Variants in CHN2 observed in about 807,000 individuals in gnomAD.
CHN2 encodes the protein chimerin 2, also known as beta-chimaerin.
Under a neutral mutation model 56.3 loss-of-function variants are expected in CHN2, and 35 were observed. The observed-to-expected ratio is 0.62, with a 90% CI of 0.47 to 0.82. The LOEUF is 0.82. Ranked by LOEUF, CHN2 falls within the 40% of genes least tolerant of loss-of-function variation. The pLI, the probability that CHN2 is intolerant of heterozygous loss-of-function variation, is 0.00. For synonymous variants in CHN2, 210 were observed against 212.8 expected, an observed-to-expected ratio of 0.99 and a Z score of 0.12; for missense variants, 491 against 580.5, an observed-to-expected ratio of 0.85 and a Z score of 1.58.
At chr7:29,153,259 GAA>G (rs1793858011) in intron 2 of CHN2, among the ~76,000 whole-genome samples, 1 of 152,190 alleles carries the variant, frequency 6.6e-6, no homozygotes, top group Non-Finnish European at 1.5e-5. Context: ...AGCCTCCAAA[GAA>G]AGAGGCAGGC....
intron 1 of CHN2, among the ~76,000 whole-genome samples, chr7:29,280,261 G>GT (rs1195762756): frequency 6.6e-6 from 1 of 152,052 alleles, no homozygotes; most frequent in Non-Finnish European, 1.5e-5. Flanking sequence ...GTGGGCGCCT[G>GT]TAGTCCCAGC....
intron 2 of CHN2, among the ~76,000 whole-genome samples, chr7:29,157,485 T>C (rs1794563732): frequency 6.6e-6 from 1 of 152,232 alleles, no homozygotes; most frequent in Non-Finnish European, 1.5e-5. Context: ...CAGTGGCTTA[T>C]TCACAGTCTC....
chr7:29,293,857 ATTTTTTTTTTT>A (rs70980522), intron 1 of CHN2, among the ~76,000 whole-genome samples: 4 of 78,498 alleles, frequency 5.1e-5, no homozygotes, highest in African/African-American at 1.0e-4. Context: ...GAGGCTGGGA[ATTTTTTTTTTT>A]TTTTTTTTTT....
intron 6 of CHN2, among the ~76,000 whole-genome samples, chr7:29,450,220 A>G (rs1446575556): frequency 1.3e-5 from 2 of 152,228 alleles, no homozygotes; most frequent in African/African-American, 2.4e-5. Flanking sequence ...AAAGGAAGGT[A>G]GCAAGAATGA....
intron 2 of CHN2, among the ~76,000 whole-genome samples, chr7:29,162,043 A>G (rs1458000510): frequency 6.6e-6 from 1 of 152,260 alleles, no homozygotes; most frequent in East Asian, 1.9e-4. Flanking sequence ...GCATGGATGC[A>G]GGGAAACTGG....
chr7:29,181,971 A>G (rs1283755620), intron 2 of CHN2, among the ~76,000 whole-genome samples: 2 of 152,212 alleles, frequency 1.3e-5, no homozygotes, highest in African/African-American at 4.8e-5. Flanking sequence ...GTAAGCATGG[A>G]TTACTTTATA....
chr7:29,511,958 A>G (rs1791492836), intron 12 of CHN2, among the ~76,000 whole-genome samples: 1 of 151,976 alleles, frequency 6.6e-6, no homozygotes, highest in African/African-American at 2.4e-5. Flanking sequence ...ACTGCTGTAG[A>G]CCTCATCCTG....
intron 1 of CHN2, among the ~76,000 whole-genome samples, chr7:29,336,603 A>AT (rs1562527071): frequency 6.6e-6 from 1 of 151,764 alleles, no homozygotes; most frequent in African/African-American, 2.4e-5. Context: ...ACAAAAAAAA[A>AT]TTTTTAATTA....
intron 2 of CHN2, among the ~76,000 whole-genome samples, chr7:29,366,297 T>C (rs537172967): frequency 6.6e-6 from 1 of 152,090 alleles, no homozygotes; most frequent in Non-Finnish European, 1.5e-5. Flanking sequence ...AGAAAGAGAA[T>C]GCGACCTGAA....
intron 6 of CHN2, among the ~76,000 whole-genome samples, chr7:29,471,061 A>G (rs1321572617): frequency 6.6e-6 from 1 of 152,238 alleles, no homozygotes; most frequent in Admixed American, 6.5e-5. Flanking sequence ...TAGTTTTACA[A>G]AAGTTTTAAG....
At chr7:29,493,463 C>T (rs1788883799) in intron 7 of CHN2, among the ~76,000 whole-genome samples, 1 of 152,136 alleles carries the variant, frequency 6.6e-6, no homozygotes. Flanking sequence ...TACCTCTGGT[C>T]TTTGCTCCTC....
intron 1 of CHN2, among the ~76,000 whole-genome samples, chr7:29,349,375 A>G (rs1000159282): frequency 2.6e-5 from 4 of 152,220 alleles, no homozygotes; most frequent in Non-Finnish European, 5.9e-5. Context: ...CTCATTGTAT[A>G]GATTTTAAAA....
At chr7:29,243,370 A>C (rs770827640) in intron 1 of CHN2, among the ~76,000 whole-genome samples, 5 of 152,192 alleles carry the variant, frequency 3.3e-5, no homozygotes, top group Non-Finnish European at 5.9e-5. Flanking sequence ...CACAAGTGTA[A>C]TCCTGAAAAA....
At chr7:29,377,461 G>A (rs1800159622) in intron 3 of CHN2, among the ~76,000 whole-genome samples, 1 of 152,154 alleles carries the variant, frequency 6.6e-6, no homozygotes, top group African/African-American at 2.4e-5. Context: ...TTTCCTTCTG[G>A]TTTTAATGTC....
intron 2 of CHN2, among the ~76,000 whole-genome samples, chr7:29,362,358 T>G (rs1798803927): frequency 6.6e-6 from 1 of 152,190 alleles, no homozygotes; most frequent in Non-Finnish European, 1.5e-5. Context: ...TGGAAGCTTT[T>G]TGGGAAGATG....
chr7:29,513,520 C>T lies in CHN2; in HGVS notation c.*785C>T, dbSNP rs1212779475. The T allele has an allele frequency of 6.6e-6, 1 of 152,230 alleles. No homozygotes were observed. The highest frequency in any genetic ancestry group is 1.5e-5 in the Non-Finnish European group (1 of 68,036). 9.4% of individuals were successfully genotyped at this position (152,230 alleles called of 1,614,324 possible). On this transcript the variant is annotated 3_prime_UTR_variant, in exon 13 of 13. Coordinates refer to ENST00000222792, the MANE Select transcript of CHN2 (RefSeq NM_004067.4). The stretch of plus-strand genomic sequence containing the variant: ...GGAATTGGTCATAGTCTTTTCGTAT[C>T]ATGAGTGTGTATCCCAGAAGATACA...
chr7:29,171,376 A>G (rs1584538656), intron 2 of CHN2, among the ~76,000 whole-genome samples: 1 of 152,158 alleles, frequency 6.6e-6, no homozygotes, highest in Non-Finnish European at 1.5e-5. Context: ...AACATAATAC[A>G]TATGTAATGG....
intron 6 of CHN2, among the ~76,000 whole-genome samples, chr7:29,408,217 A>T (rs1225152363): frequency 2.3e-4 from 35 of 151,996 alleles, no homozygotes; most frequent in Admixed American, 2.2e-3. Context: ...TAAATTAAAA[A>T]ATATATATTA....
chr7:29,374,342 T>TTCAATG (rs745880896), intron 3 of CHN2, among the ~76,000 whole-genome samples: 7 of 152,056 alleles, frequency 4.6e-5, no homozygotes, highest in Non-Finnish European at 1.0e-4. Flanking sequence ...AGAAATAAAA[T>TTCAATG]TTTGACATAT....
Sources: allele counts gnomAD v4.1 joint callset (sites outside exome capture counted in the v4.1 genomes callset), GRCh38; gene constraint gnomAD v4.1.1; transcripts MANE v1.5; gene names NCBI Gene and HGNC (gene_info 2026-07-23, HGNC 2026-07-21).